The following ZFHX2 variants were observed in gnomAD, a reference collection of about 807,000 sequenced individuals.
The protein encoded by ZFHX2 is zinc finger homeobox protein 2.
A neutral mutation model predicts 164.8 loss-of-function variants in ZFHX2; 75 were observed. That is an observed-to-expected ratio of 0.46 (90% CI 0.38 to 0.55). The LOEUF (loss-of-function observed/expected upper bound fraction) is 0.55. Ranked by LOEUF, ZFHX2 falls within the 20% of genes least tolerant of loss-of-function variation. ZFHX2 has a pLI of 0.00. For synonymous variants in ZFHX2, 1,217 were observed against 1,351.4 expected (o/e 0.90, Z 2.18); for missense variants, 2,933 against 3,308.0 (o/e 0.89, Z 2.78).
Position 23,523,933 on chromosome 14 carries a change from T to C in ZFHX2, c.6009A>G (p.Pro2003=). 2.0e-6 allele frequency: 3 copies of C among 1,535,820 alleles called. No homozygotes were observed. Among genetic ancestry groups the C allele is most frequent in the Non-Finnish European group, 2.6e-6 (3 of 1,146,794 alleles). ...EPPLPLLPPP[P]PSEEEGPEEP... ...CCTCTGGGCCCTCTTCCTCACTGGG[T>C]GGAGGGGGAGGTAGGAGAGGTAGAG... Residue 2003 remains proline, a synonymous_variant, in exon 9 of 10, where the codon CCA becomes CCG. Coordinates refer to ENST00000419474, the MANE Select transcript of ZFHX2 (RefSeq NM_033400.3). This position sits in a 1 kb window ranked among gnomAD's most constrained non-coding sequence, Gnocchi z 4.1.
rs149058653 is a variant in ZFHX2 at position 23,548,868 on chromosome 14, C to T, written c.-50+2475G>A. Among the ~76,000 whole-genome samples the T allele has an allele frequency of 2.4e-4, 37 of 152,316 alleles. 3 individuals carry two copies. In the South Asian group the frequency reaches 2.7e-3, roughly 11 times the overall value. ...CCCCGGCGCCCCCGCAGTGCTCTCG[C>T]TCTCTTCGCATCAGTCACGCTGTGT... On this transcript the variant is annotated intron_variant, in intron 1 of 9. Transcript: ENST00000419474.
intron 1 of ZFHX2, among the ~76,000 whole-genome samples, chr14:23,550,847 T>A (rs529099175): frequency 6.6e-6 from 1 of 151,872 alleles, no homozygotes; most frequent in Non-Finnish European, 1.5e-5. Flanking sequence ...CCCAGCGCGC[T>A]AGCCCATCCA....
Position 23,523,821 on chromosome 14 carries a change from G to A in ZFHX2, c.6121C>T (p.Pro2041Ser). The A allele has an allele frequency of 6.5e-7, 1 of 1,536,238 alleles. No individual in the cohort carries two copies. Among genetic ancestry groups the A allele is most frequent in the Non-Finnish European group, 8.7e-7 (1 of 1,146,924 alleles). The change falls in exon 9 of 10, where the codon CCA becomes TCA. Residue 2041 changes from proline (P) to serine (S), a missense_variant. Transcript: ENST00000419474. The surrounding 1 kb of genome is among the most constrained non-coding windows in gnomAD (Gnocchi z 4.1). ...SDSSASSLAE[P>S]ESPGAGGTSG... ...GTCCCTCCAGCCCCAGGGGATTCTG[G>A]TTCAGCTAGGCTGGAAGCAGATGAA...
chr14:23,523,523 A>G lies in ZFHX2; in HGVS notation c.6419T>C (p.Leu2140Pro), dbSNP rs763902527. 42 of 1,536,416 alleles carry G rather than the reference A, an allele frequency of 2.7e-5. No individual in the cohort carries two copies. Among genetic ancestry groups the G allele is most frequent in the Non-Finnish European group, 1.7e-6 (2 of 1,146,940 alleles). The change falls in exon 9 of 10, where the codon CTC becomes CCC. Residue 2140 changes from leucine (L) to proline (P), a missense_variant. Transcript: ENST00000419474. The surrounding 1 kb of genome is among the most constrained non-coding windows in gnomAD (Gnocchi z 4.1). Reference protein sequence around the residue: ...AGSTGGSSEGLLAAQRTDCPY... With the variant: ...AGSTGGSSEGPLAAQRTDCPY... ...GCAGTCAGTGCGCTGGGCTGCTAAG[A>G]GGCCCTCACTGCTGCCCCCAGTGCT... is the stretch of plus-strand genomic sequence containing the variant.
In ZFHX2 at chr14:23,522,581, T is replaced by C. The variant is rs1268747699; in HGVS notation, c.7100A>G (p.Gln2367Arg). 3 of 1,527,754 alleles carry C rather than the reference T, an allele frequency of 2.0e-6. No individual in the cohort carries two copies. Among genetic ancestry groups the C allele is most frequent in the Non-Finnish European group, 2.6e-6 (3 of 1,142,016 alleles). 94.6% of individuals were successfully genotyped at this position (1,527,754 alleles called of 1,614,324 possible). ...ATAGAGCTGTTGGAAGTAGGCCCCC[T>C]GTAGCTGGGGGCCAAAGACAGCTGG... ...APPAVFGPQL[Q>R]GAYFQQLYGM... The change falls in exon 10 of 10, where the codon CAG becomes CGG. Residue 2367 changes from glutamine (Q) to arginine (R), a missense_variant. Gln to Arg is a conservative substitution (Grantham distance 43). Coordinates refer to ENST00000419474, the MANE Select transcript of ZFHX2 (RefSeq NM_033400.3).
At chr14:23,539,984 A>T (rs936870864) in intron 1 of ZFHX2, among the ~76,000 whole-genome samples, 9 of 152,156 alleles carry the variant, frequency 5.9e-5, no homozygotes, top group African/African-American at 2.2e-4. Context: ...AGGGCCTTCC[A>T]AACAGTTGTT....
intron 1 of ZFHX2, among the ~76,000 whole-genome samples, chr14:23,544,549 C>G (rs1881173133): frequency 6.6e-6 from 1 of 152,174 alleles, no homozygotes. Flanking sequence ...CCCAGGCCCT[C>G]CATGTACACG....
chr14:23,544,878 T>G lies in ZFHX2; in HGVS notation c.-50+6465A>C, dbSNP rs528942571. On this transcript the variant is annotated intron_variant, in intron 1 of 9. Transcript: ENST00000419474. ...ACTTCTCCTTCTCCCACCTTTTTTT[T>G]CTGCTCCTCCTACCAGGTTTCCCTT... 4.3e-4 allele frequency among the ~76,000 whole-genome samples: 66 copies of G among 152,282 alleles called. No homozygotes were observed. In the South Asian group the frequency reaches 6.4e-3, roughly 15 times the overall value.
Position 23,529,744 on chromosome 14 carries a change from G to A in ZFHX2, c.2900C>T (p.Thr967Ile). Residue 967 changes from threonine to isoleucine, a missense_variant, in exon 6 of 10, where the codon ACT (threonine) becomes ATT (isoleucine). Transcript: ENST00000419474. The stretch of plus-strand genomic sequence containing the variant: ...GTTGGCACTGTCTCTGGAAGGGCCA[G>A]TCTTGTTTTCTGTCTCTTCTGAAGC... ...QLASEETENKTGPSRDSANQT... is the reference protein window; with the variant it reads ...QLASEETENKIGPSRDSANQT... 1.3e-6 allele frequency: 2 copies of A among 1,536,286 alleles called. No individual in the cohort carries two copies. Among genetic ancestry groups the A allele is most frequent in the Non-Finnish European group, 1.7e-6 (2 of 1,146,926 alleles).
At position 23,521,329 on chromosome 14, in the gene ZFHX2, G is replaced by A. The variant is rs1045586917; in HGVS notation, c.*633C>T. On this transcript the variant is annotated 3_prime_UTR_variant, in exon 10 of 10. Transcript: ENST00000419474. ...CAGCCTCCAGTTTGGTTAGAGTTTTGTGGGCTCCCTGCCCATGCCAGGCTC... is the reference window on the plus strand; with the variant it reads ...CAGCCTCCAGTTTGGTTAGAGTTTTATGGGCTCCCTGCCCATGCCAGGCTC... 3.9e-5 allele frequency: 6 copies of A among 152,574 alleles called. No homozygotes were observed. The highest frequency in any genetic ancestry group is 1.4e-4 in the African/African-American group (6 of 41,428). 9.5% of individuals were successfully genotyped at this position (152,574 alleles called of 1,614,324 possible).
rs113869659 is a variant in ZFHX2, at chr14:23,521,445, G to A, written c.*517C>T. ...GTTAGGAAGGAGAAGAGAGAGTGGC[G>A]AAGTTTGTTTTCCTTCCCCCTTCTT... On this transcript the variant is annotated 3_prime_UTR_variant, in exon 10 of 10. Transcript: ENST00000419474. The A allele has an allele frequency of 0.017, 2,555 of 154,342 alleles. 70 individuals carry two copies. The highest frequency in any genetic ancestry group is 0.056 in the African/African-American group (2,330 of 41,534). 9.6% of individuals were successfully genotyped at this position (154,342 alleles called of 1,614,324 possible).
In ZFHX2 at chr14:23,533,379, G is replaced by GC; in HGVS notation, c.1946dup (p.Leu652AlafsTer37). The GC allele has an allele frequency of 6.9e-7, 1 of 1,458,126 alleles. No homozygotes were observed. Among genetic ancestry groups the GC allele is most frequent in the Non-Finnish European group, 9.0e-7 (1 of 1,108,956 alleles). 90.3% of individuals were successfully genotyped at this position (1,458,126 alleles called of 1,614,324 possible). A position where few individuals can be genotyped will look rare whatever the true frequency, so the allele number is the denominator to read the frequency against. ...GGGGCTTGTCTGGCCTCAGCCCCGGGCCAGCCAAGGGAGTCTGAGGCTGCC... is the reference window on the plus strand; with the variant it reads ...GGGGCTTGTCTGGCCTCAGCCCCGGGCCCAGCCAAGGGAGTCTGAGGCTGCC... On this transcript the variant is annotated frameshift_variant, in exon 2 of 10. Transcript: ENST00000419474. LOFTEE classifies it high-confidence loss of function. This position sits in a 1 kb window ranked among gnomAD's most constrained non-coding sequence, Gnocchi z 4.8.
rs774695411 is a variant in ZFHX2 at position 23,521,990 on chromosome 14, G to A, written c.7691C>T (p.Thr2564Met). The A allele has an allele frequency of 1.4e-4, 214 of 1,536,404 alleles. 1 individual carries two copies. Among genetic ancestry groups the A allele is most frequent in the South Asian group, 5.1e-4 (43 of 84,060 alleles). The change falls in exon 10 of 10, where the codon ACG becomes ATG. Residue 2564 changes from threonine to methionine, a missense_variant. Coordinates refer to ENST00000419474, the MANE Select transcript of ZFHX2 (RefSeq NM_033400.3). ...TAAAGCTAGAAGTGTAGAGGTAGTC[G>A]TAGTTTTTGGGTTGGAGTCCGTGTG... is the stretch of plus-strand genomic sequence containing the variant. ...LPHTDSNPKT[T>M]TTSTLLAL
At position 23,526,578 on chromosome 14, in the gene ZFHX2, G is replaced by A. The variant is rs1878737927; in HGVS notation, c.3364C>T (p.Pro1122Ser). The A allele has an allele frequency of 1.3e-6, 2 of 1,535,832 alleles. No individual in the cohort carries two copies. The highest frequency in any genetic ancestry group is 1.7e-6 in the Non-Finnish European group (2 of 1,146,796). ...ACTGGAGATGGGGCTGGAGAAGGGGGTTGGCCAGGGCTTCCTGAGGGTTTG... is the reference window on the plus strand; with the variant it reads ...ACTGGAGATGGGGCTGGAGAAGGGGATTGGCCAGGGCTTCCTGAGGGTTTG... ...PDKPSGSPGQ[P>S]PSPAPSPVPE... The change falls in exon 9 of 10, where the codon CCC (proline) becomes TCC (serine). Residue 1122 changes from proline (P) to serine (S), a missense_variant. Transcript: ENST00000419474.
In ZFHX2 at chr14:23,533,051, G is replaced by T. The variant is rs1459691391; in HGVS notation, c.2075C>A (p.Pro692His). 2.0e-6 allele frequency: 3 copies of T among 1,533,918 alleles called. No individual in the cohort carries two copies. The highest frequency in any genetic ancestry group is 2.6e-6 in the Non-Finnish European group (3 of 1,145,386). Reference sequence around the variant, plus strand: ...TGAGGAACCCAGGAGCTGACTTGGAGGCAGGTGGGCATCAGGGGATAGGCT... The same window carrying T: ...TGAGGAACCCAGGAGCTGACTTGGATGCAGGTGGGCATCAGGGGATAGGCT... ...PGSLSPDAHL[P>H]PSQLLGSSSD... is the part of the protein sequence containing the mutation. Residue 692 changes from proline (P) to histidine (H), a missense_variant, in exon 3 of 10, where the codon CCT (proline) becomes CAT (histidine). Pro to His is a moderately conservative substitution (Grantham distance 77, BLOSUM62 -2). Transcript: ENST00000419474. The surrounding 1 kb of genome is among the most constrained non-coding windows in gnomAD (Gnocchi z 4.8).
intron 1 of ZFHX2, among the ~76,000 whole-genome samples, chr14:23,537,654 G>C (rs1880330838): frequency 6.6e-6 from 1 of 152,172 alleles, no homozygotes; most frequent in Non-Finnish European, 1.5e-5. Flanking sequence ...GGGAGGTCGG[G>C]GGAGTTGGAG....
In ZFHX2 at chr14:23,523,921, T is replaced by C. The variant is rs1315581224; in HGVS notation, c.6021A>G (p.Glu2007=). Reference sequence around the variant, plus strand: ...CTTTAGGTGGTTCCTCTGGGCCCTCTTCCTCACTGGGTGGAGGGGGAGGTA... The same window carrying C: ...CTTTAGGTGGTTCCTCTGGGCCCTCCTCCTCACTGGGTGGAGGGGGAGGTA... ...PLLPPPPPSE[E]EGPEEPPKAS... Residue 2007 remains glutamate (E), a synonymous_variant, in exon 9 of 10, where the codon GAA becomes GAG. Coordinates refer to ENST00000419474, the MANE Select transcript of ZFHX2 (RefSeq NM_033400.3). This position sits in a 1 kb window ranked among gnomAD's most constrained non-coding sequence, Gnocchi z 4.1. The C allele has an allele frequency of 2.6e-6, 4 of 1,536,190 alleles. No individual in the cohort carries two copies. The highest frequency in any genetic ancestry group is 2.6e-6 in the Non-Finnish European group (3 of 1,146,890).
Position 23,521,939 on chromosome 14 carries a change from T to C in ZFHX2, c.*23A>G. 6.5e-7 allele frequency: 1 copy of C among 1,535,656 alleles called. No individual in the cohort carries two copies. The highest frequency in any genetic ancestry group is 8.7e-7 in the Non-Finnish European group (1 of 1,146,784). On this transcript the variant is annotated 3_prime_UTR_variant, in exon 10 of 10. Coordinates refer to ENST00000419474, the MANE Select transcript of ZFHX2 (RefSeq NM_033400.3). Reference sequence around the variant, plus strand: ...AAGAGGGAGCCCTGAGGCCCTCCCCTCTCCCCATCTTGGTTAATCTGTTTA... The same window carrying C: ...AAGAGGGAGCCCTGAGGCCCTCCCCCCTCCCCATCTTGGTTAATCTGTTTA...
intron 1 of ZFHX2, chr14:23,544,157 A>C (rs1881125490): frequency 6.6e-6 from 1 of 152,028 alleles, no homozygotes; most frequent in South Asian, 2.1e-4. Context: ...CAGGAGGCTG[A>C]GGCAGAAGAA....
Sources: gnomAD v4.1 joint callset for allele counts (sites outside exome capture counted in the v4.1 genomes callset) on GRCh38, gnomAD v4.1.1 for gene constraint, Gnocchi (gnomAD v3.1) non-coding constraint, MANE v1.5 for transcripts, NCBI Gene and HGNC (gene_info 2026-07-23, HGNC 2026-07-21) for gene names.